Variants in P3H2 observed in about 807,000 individuals in gnomAD.
P3H2 encodes the protein prolyl 3-hydroxylase 2, also known as leprecan-like 1.
A neutral mutation model predicts 87.0 loss-of-function variants in P3H2; 80 were observed. The observed-to-expected ratio is 0.92, with a 90% CI of 0.77 to 1.11. The LOEUF is 1.11. Among genes scored for constraint, P3H2 ranks in the 50% least tolerant of loss-of-function variants. The pLI is 0.00. For missense variants in P3H2, 1,001 were observed against 923.9 expected, an observed-to-expected ratio of 1.08 and a Z score of -1.08; for synonymous variants, 367 against 359.3, an observed-to-expected ratio of 1.02 and a Z score of -0.24.
intron 1 of P3H2, among the ~76,000 whole-genome samples, chr3:190,042,331 T>C (rs1725662111): frequency 6.6e-6 from 1 of 152,162 alleles, no homozygotes; most frequent in Non-Finnish European, 1.5e-5. Context: ...TATATGGTAT[T>C]AGGAATCTGA....
At chr3:190,106,460 GATA>G (rs1189055236) in intron 1 of P3H2, among the ~76,000 whole-genome samples, 1 of 151,900 alleles carries the variant, frequency 6.6e-6, no homozygotes, top group African/African-American at 2.4e-5. Context: ...CACTTACCAT[GATA>G]TATTTGCCTA....
At chr3:190,090,307 C>T (rs942595245) in intron 1 of P3H2, among the ~76,000 whole-genome samples, 4 of 152,090 alleles carry the variant, frequency 2.6e-5, no homozygotes, top group South Asian at 2.1e-4. Flanking sequence ...GAGTAAAATG[C>T]TTACTGAAAA....
At chr3:189,984,328 GAAA>G (rs10532307) in intron 7 of P3H2, among the ~76,000 whole-genome samples, 1 of 150,982 alleles carries the variant, frequency 6.6e-6, no homozygotes, top group Admixed American at 6.6e-5. Flanking sequence ...TTTTTTCCTG[GAAA>G]AAAAAAATGA....
At chr3:189,996,721 C>T (rs540703526) in intron 1 of P3H2, among the ~76,000 whole-genome samples, 1 of 145,526 alleles carries the variant, frequency 6.9e-6, no homozygotes, top group Non-Finnish European at 1.5e-5. Context: ...ACACTGTACC[C>T]GTAATTATGT....
chr3:190,079,391 T>A (rs1829829), intron 1 of P3H2, among the ~76,000 whole-genome samples: 36,538 of 147,500 alleles, frequency 0.25, 4,763 homozygotes, highest in African/African-American at 0.35. Context: ...TAAATAATCC[T>A]TATCTGTAAA....
chr3:190,009,097 T>C (rs1724484267), intron 1 of P3H2, among the ~76,000 whole-genome samples: 1 of 152,146 alleles, frequency 6.6e-6, no homozygotes, highest in African/African-American at 2.4e-5. Context: ...CATTTCACCA[T>C]GAGTAAGACA....
chr3:190,085,457 C>T (rs1160970774), intron 1 of P3H2, among the ~76,000 whole-genome samples: 3 of 152,206 alleles, frequency 2.0e-5, no homozygotes, highest in Non-Finnish European at 4.4e-5. Flanking sequence ...GGAAAAGGAT[C>T]GATTTCCCAA....
At chr3:189,986,767 A>G (rs1230057016) in intron 6 of P3H2, 21 bp downstream of exon 6, 3 of 1,505,142 alleles carry the variant, frequency 2.0e-6, no homozygotes, top group Non-Finnish European at 2.8e-6. Flanking sequence ...ATTTTAATAA[A>G]CGTTTCCTCT....
At chr3:190,010,559 A>C (rs1724554778) in intron 1 of P3H2, among the ~76,000 whole-genome samples, 1 of 152,180 alleles carries the variant, frequency 6.6e-6, no homozygotes, top group African/African-American at 2.4e-5. Context: ...CAAACAGAGG[A>C]AACACTACAT....
chr3:190,037,163 T>C (rs1392272284), intron 1 of P3H2, among the ~76,000 whole-genome samples: 3 of 152,052 alleles, frequency 2.0e-5, no homozygotes, highest in Admixed American at 1.3e-4. Context: ...TAAAAAAACA[T>C]TGTGGTTGGA....
chr3:190,054,605 G>A (rs949728093), intron 1 of P3H2, among the ~76,000 whole-genome samples: 1 of 152,034 alleles, frequency 6.6e-6, no homozygotes, highest in Non-Finnish European at 1.5e-5. Flanking sequence ...ACTACTCCAG[G>A]CAGCTCATTT....
intron 8 of P3H2, among the ~76,000 whole-genome samples, chr3:189,978,784 C>CTAG (rs952750176): frequency 9.2e-5 from 14 of 151,418 alleles, no homozygotes; most frequent in Non-Finnish European, 1.5e-4. Flanking sequence ...AGCTTAATGA[C>CTAG]TAGTAGCACA....
intron 1 of P3H2, among the ~76,000 whole-genome samples, chr3:190,051,688 A>G (rs948195913): frequency 2.6e-5 from 4 of 152,230 alleles, no homozygotes; most frequent in African/African-American, 9.6e-5. Context: ...CATTTTTAAG[A>G]ACAAACATTA....
Position 189,957,151 on chromosome 3 carries a change from A to C in P3H2, c.*761T>G. 2.5e-6 allele frequency: 1 copy of C among 398,572 alleles called. No homozygotes were observed. 24.7% of individuals were successfully genotyped at this position (398,572 alleles called of 1,614,324 possible). ...GAAAGACTGAAGTCCCCTCTGTCTC[A>C]TACAGTAATCATCCATGAGATCTCC... is the stretch of plus-strand genomic sequence containing the variant. On this transcript the variant is annotated 3_prime_UTR_variant, in exon 15 of 15. Transcript: ENST00000319332.
chr3:190,017,968 G>A (rs1362368575), intron 1 of P3H2, among the ~76,000 whole-genome samples: 10 of 152,148 alleles, frequency 6.6e-5, no homozygotes, highest in African/African-American at 1.9e-4. Context: ...ATCTGAGCAC[G>A]TCAATGGAAA....
intron 4 of P3H2, among the ~76,000 whole-genome samples, chr3:189,988,414 T>C (rs376053040): frequency 6.6e-6 from 1 of 152,140 alleles, no homozygotes; most frequent in East Asian, 1.9e-4. Context: ...TGCATGTATG[T>C]GTGTATAATA....
chr3:189,968,215 T>C (rs1303104623), intron 13 of P3H2, among the ~76,000 whole-genome samples: 1 of 152,166 alleles, frequency 6.6e-6, no homozygotes, highest in Non-Finnish European at 1.5e-5. Context: ...CTGCACCCCA[T>C]CAAACCATTA....
chr3:190,120,115 G>C (rs1712479574), intron 1 of P3H2, 137 bp downstream of exon 1: 5 of 986,592 alleles, frequency 5.1e-6, no homozygotes, highest in South Asian at 1.5e-5. Flanking sequence ...CAGATATCTG[G>C]ATTCACAAAC....
intron 1 of P3H2, among the ~76,000 whole-genome samples, chr3:190,005,286 T>C (rs1224473651): frequency 6.6e-6 from 1 of 152,180 alleles, no homozygotes; most frequent in African/African-American, 2.4e-5. Flanking sequence ...AATCAAAGTA[T>C]GGGTTTATTT....
Sources: allele counts gnomAD v4.1 joint callset (sites outside exome capture counted in the v4.1 genomes callset), GRCh38; gene constraint gnomAD v4.1.1; transcripts MANE v1.5; gene names NCBI Gene and HGNC (gene_info 2026-07-23, HGNC 2026-07-21).